PTPN4: variants seen among roughly 807,000 people sequenced by gnomAD.
The protein encoded by PTPN4 is tyrosine-protein phosphatase non-receptor type 4.
PTPN4 carries 49 observed loss-of-function variants against 135.5 expected under a neutral mutation model. The ratio of observed to expected loss-of-function variants is 0.36; its 90% CI spans 0.29 to 0.46. The LOEUF (loss-of-function observed/expected upper bound fraction) is 0.46, where lower values mean the gene tolerates loss of function less well. Among genes scored for constraint, PTPN4 ranks in the 20% least tolerant of loss-of-function variants. The pLI is 1.00. For missense variants in PTPN4, 860 were observed against 1,101.0 expected (o/e 0.78, Z 3.10); for synonymous variants, 333 against 369.9 (o/e 0.90, Z 1.14).
intron 11 of PTPN4, among the ~76,000 whole-genome samples, chr2:119,919,731 C>A (rs188965775): frequency 3.6e-4 from 52 of 142,786 alleles, no homozygotes; most frequent in African/African-American, 1.4e-3. Flanking sequence ...GGCTGAGGCA[C>A]AAGAATCACT....
At chr2:119,763,035 A>C (rs1348359202) in intron 1 of PTPN4, among the ~76,000 whole-genome samples, 1 of 152,146 alleles carries the variant, frequency 6.6e-6, no homozygotes, top group Non-Finnish European at 1.5e-5. Flanking sequence ...ATAGATGATG[A>C]GATAGGATAT....
chr2:119,820,883 A>G (rs183729250), intron 2 of PTPN4, among the ~76,000 whole-genome samples: 1,692 of 142,040 alleles, frequency 0.012, 14 homozygotes, highest in Non-Finnish European at 0.018. Flanking sequence ...ACATACACAC[A>G]TGTGTGTGTA....
chr2:119,784,598 A>G (rs1421781205), intron 1 of PTPN4, among the ~76,000 whole-genome samples: 12 of 151,726 alleles, frequency 7.9e-5, no homozygotes, highest in Non-Finnish European at 1.5e-4. Context: ...TGTGTTAGCC[A>G]GGATGGTCTC....
intron 9 of PTPN4, among the ~76,000 whole-genome samples, chr2:119,891,761 T>C (rs964178100): frequency 6.6e-6 from 1 of 152,258 alleles, no homozygotes; most frequent in Non-Finnish European, 1.5e-5. Context: ...TTGAATTCTT[T>C]ATTTCATGCT....
chr2:119,808,378 G>A (rs971631521), intron 1 of PTPN4, among the ~76,000 whole-genome samples: 1 of 152,158 alleles, frequency 6.6e-6, no homozygotes, highest in Non-Finnish European at 1.5e-5. Context: ...CTTCAGCAAA[G>A]TCCCAGGATA....
chr2:119,908,362 T>C (rs1678519779), intron 10 of PTPN4, among the ~76,000 whole-genome samples: 3 of 152,236 alleles, frequency 2.0e-5, no homozygotes, highest in Admixed American at 2.0e-4. Flanking sequence ...GCCATTTTTC[T>C]GCCAGCATGT....
rs1321032452 is a variant in PTPN4 at position 119,844,538 on chromosome 2, G to T, written c.139-17998G>T. Among the ~76,000 whole-genome samples, 18 of 148,248 alleles carry T rather than the reference G, an allele frequency of 1.2e-4. 1 individual carries two copies. The highest frequency in any genetic ancestry group is 4.2e-4 in the African/African-American group (17 of 40,008). On this transcript the variant is annotated intron_variant, in intron 2 of 26. Transcript: ENST00000263708. ...AGAGGGTCTCCTCACTTCTCAGACG[G>T]GGCGGCCGGGCAGAGACGCTCCTCA...
intron 1 of PTPN4, among the ~76,000 whole-genome samples, chr2:119,790,243 T>C (rs1027285432): frequency 6.6e-6 from 1 of 152,134 alleles, no homozygotes; most frequent in Non-Finnish European, 1.5e-5. Flanking sequence ...GTTTATAATG[T>C]TGTTCAAATG....
intron 10 of PTPN4, among the ~76,000 whole-genome samples, chr2:119,904,761 A>G (rs1447143880): frequency 2.0e-5 from 3 of 152,240 alleles, no homozygotes; most frequent in African/African-American, 7.2e-5. Context: ...CAGATAAACC[A>G]GTAGAAATGC....
chr2:119,781,431 C>G (rs1328494928), intron 1 of PTPN4, among the ~76,000 whole-genome samples: 3 of 152,160 alleles, frequency 2.0e-5, no homozygotes, highest in Non-Finnish European at 4.4e-5. Flanking sequence ...TCCTGGTTCT[C>G]AACAATATTA....
intron 1 of PTPN4, among the ~76,000 whole-genome samples, chr2:119,760,712 T>TTTCC (rs1232956540): frequency 6.7e-6 from 1 of 149,338 alleles, no homozygotes; most frequent in African/African-American, 2.5e-5. Flanking sequence ...AATCTTGAGT[T>TTTCC]TTCCATTGCT....
At chr2:119,935,917 C>T (rs1429337304) in intron 15 of PTPN4, among the ~76,000 whole-genome samples, 1 of 152,158 alleles carries the variant, frequency 6.6e-6, no homozygotes, top group Non-Finnish European at 1.5e-5. Flanking sequence ...CAATATAATT[C>T]TTGAGGCCTA....
chr2:119,898,349 G>A (rs1402190912), intron 9 of PTPN4, among the ~76,000 whole-genome samples: 1 of 152,084 alleles, frequency 6.6e-6, no homozygotes, highest in Non-Finnish European at 1.5e-5. Flanking sequence ...CGGAATTGTG[G>A]GCACACAAAA....
chr2:119,876,626 A>T (rs1677986529), intron 3 of PTPN4, among the ~76,000 whole-genome samples: 1 of 152,102 alleles, frequency 6.6e-6, no homozygotes, highest in Non-Finnish European at 1.5e-5. Context: ...GAAACATGTT[A>T]GCAGTTGAAG....
chr2:119,962,271 A>G (rs1415677937), intron 23 of PTPN4, among the ~76,000 whole-genome samples: 1 of 152,200 alleles, frequency 6.6e-6, no homozygotes, highest in Non-Finnish European at 1.5e-5. Context: ...CCTGACCAAT[A>G]TGGTGAAACC....
chr2:119,787,131 G>A (rs1400692277), intron 1 of PTPN4, among the ~76,000 whole-genome samples: 1 of 152,142 alleles, frequency 6.6e-6, no homozygotes, highest in African/African-American at 2.4e-5. Flanking sequence ...TCTGTTTTTG[G>A]CTTACAGGTT....
At chr2:119,863,698 C>T (rs961839030) in intron 3 of PTPN4, among the ~76,000 whole-genome samples, 5 of 151,940 alleles carry the variant, frequency 3.3e-5, no homozygotes, top group Admixed American at 2.0e-4. Flanking sequence ...TATTACAAAC[C>T]AGTCATGGAA....
intron 1 of PTPN4, among the ~76,000 whole-genome samples, chr2:119,770,904 G>C (rs1690720973): frequency 6.7e-6 from 1 of 149,170 alleles, no homozygotes; most frequent in Admixed American, 6.6e-5. Flanking sequence ...TTTTGAGACG[G>C]AGTCTCGCTC....
chr2:119,946,458 A>G, intron 17 of PTPN4, 34 bp downstream of exon 17: 2 of 1,590,374 alleles, frequency 1.3e-6, no homozygotes, highest in East Asian at 4.5e-5. Context: ...TCAGTTTTTA[A>G]ATTAAGATGT....
Sources: allele counts gnomAD v4.1 joint callset (sites outside exome capture counted in the v4.1 genomes callset), GRCh38; gene constraint gnomAD v4.1.1; transcripts MANE v1.5; gene names NCBI Gene and HGNC (gene_info 2026-07-23, HGNC 2026-07-21).